The following RAB30 variants were observed in gnomAD, a reference collection of about 807,000 sequenced individuals.
The protein encoded by RAB30 is RAB30, member RAS oncogene family, also known as ras-related protein Rab-30.
RAB30 carries 9 observed loss-of-function variants against 25.1 expected under a neutral mutation model. That is an observed-to-expected ratio of 0.36 (90% confidence interval 0.22 to 0.63). The LOEUF (loss-of-function observed/expected upper bound fraction) is 0.63. RAB30 is among the 20% of genes least tolerant of loss of function. The probability of loss-of-function intolerance (pLI) is 0.69; values close to 1 mark genes in which losing one functional copy is unlikely to be tolerated. For missense variants in RAB30, 140 were observed against 243.5 expected (o/e 0.58, Z 2.83); for synonymous variants, 77 against 86.4 (o/e 0.89, Z 0.60).
intron 1 of RAB30, 164 bp from the exon 2 acceptor site, chr11:82,997,488 T>C (rs1856983771): frequency 3.4e-6 from 2 of 594,616 alleles, no homozygotes; most frequent in East Asian, 2.8e-5. Flanking sequence ...ACACAGGTGT[T>C]TGGTCACAGA....
At chr11:83,060,373 G>C (rs887971196) in intron 1 of RAB30, among the ~76,000 whole-genome samples, 3 of 152,128 alleles carry the variant, frequency 2.0e-5, no homozygotes, top group African/African-American at 7.2e-5. Context: ...AAGTTATTGA[G>C]GAACAGGATA....
intron 1 of RAB30, among the ~76,000 whole-genome samples, chr11:83,065,314 T>C (rs1479668927): frequency 6.6e-6 from 1 of 151,956 alleles, no homozygotes; most frequent in African/African-American, 2.4e-5. Flanking sequence ...CCCTTGAGCC[T>C]AGGAGGTAGA....
At chr11:83,047,863 C>T (rs542169548) in intron 1 of RAB30, among the ~76,000 whole-genome samples, 2 of 152,148 alleles carry the variant, frequency 1.3e-5, no homozygotes, top group South Asian at 2.1e-4. Context: ...TTTACAAGTA[C>T]AATACACTCC....
chr11:83,065,832 A>C (rs1858684374), intron 1 of RAB30, among the ~76,000 whole-genome samples: 1 of 152,226 alleles, frequency 6.6e-6, no homozygotes, highest in Admixed American at 6.5e-5. Flanking sequence ...ACAACCTTAC[A>C]AAGAAACAGA....
chr11:83,051,713 C>T (rs775238236), intron 1 of RAB30, among the ~76,000 whole-genome samples: 1 of 151,972 alleles, frequency 6.6e-6, no homozygotes, highest in Non-Finnish European at 1.5e-5. Context: ...CCCTCTTCCC[C>T]ACCCTCATTT....
chr11:83,008,672 A>G (rs1299519326), intron 1 of RAB30, among the ~76,000 whole-genome samples: 1 of 152,092 alleles, frequency 6.6e-6, no homozygotes, highest in Non-Finnish European at 1.5e-5. Context: ...CTCAGCAGGG[A>G]TGGACGCACA....
At chr11:82,982,944 T>C (rs1313581493) in intron 4 of RAB30, among the ~76,000 whole-genome samples, 1 of 152,138 alleles carries the variant, frequency 6.6e-6, no homozygotes, top group African/African-American at 2.4e-5. Flanking sequence ...GGTAGGGCAC[T>C]GACTGAATAA....
rs997511989 is a variant in RAB30 at position 82,977,220 on chromosome 11, A to C, written c.*4945T>G. 1 of 152,358 alleles carries C rather than the reference A, an allele frequency of 6.6e-6. No homozygotes were observed. Among genetic ancestry groups the C allele is most frequent in the South Asian group, 2.1e-4 (1 of 4,826 alleles). The allele number at this position is 152,358 out of a possible 1,614,324, so 9.4% of individuals were successfully genotyped here. A position where few individuals can be genotyped will look rare whatever the true frequency, so the allele number is the denominator to read the frequency against. ...TACCTTTTGATTCAACAGGACATCA[A>C]TGAATGGACCGACAAAGCAAGTCCA... On this transcript the variant is annotated 3_prime_UTR_variant, in exon 5 of 5. Transcript: ENST00000527633.
In RAB30 at chr11:82,982,349, G is replaced by C; in HGVS notation, c.428C>G (p.Ala143Gly). ...GGTCTCCAGATAATACATGTCCTGAGCTTCTGAGAATTCTTCAGCTCGCTG... is the reference window on the plus strand; with the variant it reads ...GGTCTCCAGATAATACATGTCCTGACCTTCTGAGAATTCTTCAGCTCGCTG... ...SQQRAEEFSEAQDMYYLETSA... is the reference protein window; with the variant it reads ...SQQRAEEFSEGQDMYYLETSA... Residue 143 changes from alanine (A) to glycine (G), a missense_variant, in exon 5 of 5, where the codon GCT becomes GGT. By Grantham distance (60) the Ala-to-Gly change is moderately conservative. Coordinates refer to ENST00000527633, the MANE Select transcript of RAB30 (RefSeq NM_001286060.2). The C allele has an allele frequency of 6.2e-7, 1 of 1,614,140 alleles. No individual in the cohort carries two copies. The highest frequency in any genetic ancestry group is 8.5e-7 in the Non-Finnish European group (1 of 1,179,998).
At chr11:83,029,704 T>C (rs1226766470) in intron 1 of RAB30, among the ~76,000 whole-genome samples, 1 of 152,160 alleles carries the variant, frequency 6.6e-6, no homozygotes, top group Non-Finnish European at 1.5e-5. Context: ...AATTCCTTGA[T>C]ATCATCTCAA....
intron 1 of RAB30, among the ~76,000 whole-genome samples, chr11:83,033,626 GT>G (rs1857925089): frequency 6.6e-6 from 1 of 152,144 alleles, no homozygotes; most frequent in African/African-American, 2.4e-5. Context: ...TAATAACAGA[GT>G]TATGATTTGA....
At chr11:83,063,002 CAAAAA>C (rs34529308) in intron 1 of RAB30, among the ~76,000 whole-genome samples, 1 of 101,794 alleles carries the variant, frequency 9.8e-6, no homozygotes. Context: ...GACTCCGTCT[CAAAAA>C]AAAAAAAAAA....
At chr11:83,042,144 G>A (rs1164239461) in intron 1 of RAB30, among the ~76,000 whole-genome samples, 6 of 152,076 alleles carry the variant, frequency 3.9e-5, no homozygotes, top group South Asian at 2.1e-4. Flanking sequence ...CAGGGAACAC[G>A]CCTTACCATT....
At chr11:83,027,532 T>C (rs368815148) in intron 1 of RAB30, among the ~76,000 whole-genome samples, 4 of 152,142 alleles carry the variant, frequency 2.6e-5, no homozygotes, top group Admixed American at 6.5e-5. Context: ...CCCATCCAGA[T>C]CACCGTACCG....
chr11:82,978,580 C>G lies in RAB30; in HGVS notation c.*3585G>C, dbSNP rs1054999782. On this transcript the variant is annotated 3_prime_UTR_variant, in exon 5 of 5. Coordinates refer to ENST00000527633, the MANE Select transcript of RAB30 (RefSeq NM_001286060.2). ...AAGATGTTTCACTTTAGTAGGAAGA[C>G]CAATTCAAACATCATTTACAACTGA... is the stretch of plus-strand genomic sequence containing the variant. The G allele has an allele frequency of 2.0e-5, 3 of 151,722 alleles. No individual in the cohort carries two copies. Among genetic ancestry groups the G allele is most frequent in the Admixed American group, 1.3e-4 (2 of 15,218 alleles). 9.4% of individuals were successfully genotyped at this position (151,722 alleles called of 1,614,324 possible).
In RAB30 at chr11:82,980,458, G is replaced by A. The variant is rs1307486248; in HGVS notation, c.*1707C>T. ...CTTTATCCACATCATGTCTCTACAT[G>A]ACTAATTTCTTTACAATTAAATAGC... is the stretch of plus-strand genomic sequence containing the variant. On this transcript the variant is annotated 3_prime_UTR_variant, in exon 5 of 5. Transcript: ENST00000527633. The A allele has an allele frequency of 2.6e-5, 4 of 152,164 alleles. No homozygotes were observed. Among genetic ancestry groups the A allele is most frequent in the African/African-American group, 4.8e-5 (2 of 41,432 alleles). 9.4% of individuals were successfully genotyped at this position (152,164 alleles called of 1,614,324 possible).
At chr11:83,065,215 T>C (rs1464628859) in intron 1 of RAB30, among the ~76,000 whole-genome samples, 1 of 151,932 alleles carries the variant, frequency 6.6e-6, no homozygotes, top group African/African-American at 2.4e-5. Flanking sequence ...TAGTGACAGT[T>C]TGTCTCTACA....
At chr11:83,023,810 C>A (rs1315737985) in intron 1 of RAB30, among the ~76,000 whole-genome samples, 1 of 152,170 alleles carries the variant, frequency 6.6e-6, no homozygotes, top group Non-Finnish European at 1.5e-5. Flanking sequence ...CCCCGTGATA[C>A]GTCTCACCTC....
chr11:83,069,185 C>A (rs11233447), intron 1 of RAB30, among the ~76,000 whole-genome samples: 34,486 of 152,102 alleles, frequency 0.23, 4,566 homozygotes, highest in Admixed American at 0.29. Context: ...AAATCTAACA[C>A]TACATTCAGC....
Sources: gnomAD v4.1 joint callset for allele counts (sites outside exome capture counted in the v4.1 genomes callset) on GRCh38, gnomAD v4.1.1 for gene constraint, MANE v1.5 for transcripts, NCBI Gene and HGNC (gene_info 2026-07-23, HGNC 2026-07-21) for gene names.